Variants in OLA1 observed in about 807,000 individuals in gnomAD.
OLA1 encodes Obg like ATPase 1.
A neutral mutation model predicts 48.4 loss-of-function variants in OLA1; 14 were observed. The ratio of observed to expected loss-of-function variants is 0.29; its 90% CI spans 0.19 to 0.45. The LOEUF is 0.45. Ranked by LOEUF, OLA1 falls within the 20% of genes least tolerant of loss-of-function variation. The pLI is 1.00. For synonymous variants in OLA1, 127 were observed against 150.4 expected, an observed-to-expected ratio of 0.84 and a Z score of 1.14; for missense variants, 325 against 467.1, an observed-to-expected ratio of 0.70 and a Z score of 2.80.
intron 4 of OLA1, among the ~76,000 whole-genome samples, chr2:174,181,966 A>C (rs1404087421): frequency 6.6e-6 from 1 of 152,142 alleles, no homozygotes; most frequent in Non-Finnish European, 1.5e-5. Context: ...TTTTTGTTTC[A>C]TTTGTTCACT....
In OLA1 at chr2:174,229,300, T is replaced by C; in HGVS notation, c.245+8A>G. On this transcript the variant is annotated splice_region_variant and intron_variant, in intron 3 of 10. Coordinates refer to ENST00000284719, the MANE Select transcript of OLA1 (RefSeq NM_013341.5). Reference sequence around the variant, plus strand: ...ATCACCAAATAAATAGCATAAAATATCTCTTACCTTGCTGGTTTGTGGTAT... The same window carrying C: ...ATCACCAAATAAATAGCATAAAATACCTCTTACCTTGCTGGTTTGTGGTAT... 1.9e-6 allele frequency: 3 copies of C among 1,611,148 alleles called. No individual in the cohort carries two copies. Among genetic ancestry groups the C allele is most frequent in the Non-Finnish European group, 2.5e-6 (3 of 1,179,402 alleles).
chr2:174,214,090 T>C (rs1310313512), intron 4 of OLA1, among the ~76,000 whole-genome samples: 1 of 151,672 alleles, frequency 6.6e-6, no homozygotes. Context: ...CCCAGCACTT[T>C]GGGAGGCCGA....
intron 5 of OLA1, 123 bp from the exon 6 acceptor site, chr2:174,123,798 A>C (rs890410384): frequency 2.4e-6 from 1 of 416,868 alleles, no homozygotes; most frequent in African/African-American, 2.1e-5. Context: ...GGGCTAGGTC[A>C]CACAAATAAT....
chr2:174,148,715 A>C (rs1029926053), intron 4 of OLA1, among the ~76,000 whole-genome samples: 2 of 152,040 alleles, frequency 1.3e-5, no homozygotes, highest in African/African-American at 4.8e-5. Context: ...ATTTCTGGAG[A>C]GCCAACCCCC....
intron 7 of OLA1, among the ~76,000 whole-genome samples, chr2:174,114,717 T>C (rs573235317): frequency 1.1e-4 from 17 of 152,300 alleles, no homozygotes; most frequent in African/African-American, 3.9e-4. Context: ...GACAAATATT[T>C]AAAGTACTGA....
At chr2:174,204,542 T>C (rs575014324) in intron 4 of OLA1, among the ~76,000 whole-genome samples, 9 of 152,118 alleles carry the variant, frequency 5.9e-5, no homozygotes, top group Non-Finnish European at 1.2e-4. Context: ...TCAATAAAGA[T>C]AAAAATATAA....
intron 4 of OLA1, among the ~76,000 whole-genome samples, chr2:174,148,645 GTGC>G (rs2105386427): frequency 6.6e-6 from 1 of 152,178 alleles, no homozygotes; most frequent in African/African-American, 2.4e-5. Flanking sequence ...CACATTTCTA[GTGC>G]TTTCTAGTTC....
rs144103037 is a variant in OLA1, at chr2:174,128,260, C to T, written c.550-4585G>A. ...ATAAAAAAATAAAAAATTAACTGGG[C>T]GTGGTGGTGTGTGTCTGTAGTTCCA... On this transcript the variant is annotated intron_variant, in intron 5 of 10. Transcript: ENST00000284719. 4.0e-3 allele frequency among the ~76,000 whole-genome samples: 603 copies of T among 151,308 alleles called. 2 individuals are homozygous for T. The highest frequency in any genetic ancestry group is 6.1e-3 in the Non-Finnish European group (414 of 67,786).
intron 4 of OLA1, among the ~76,000 whole-genome samples, chr2:174,184,526 A>G (rs1387844920): frequency 1.3e-5 from 2 of 152,244 alleles, no homozygotes; most frequent in African/African-American, 4.8e-5. Flanking sequence ...AGGAAACATG[A>G]CAAGTAAATG....
chr2:174,153,549 T>C (rs919665915), intron 4 of OLA1, among the ~76,000 whole-genome samples: 2 of 136,610 alleles, frequency 1.5e-5, no homozygotes, highest in Non-Finnish European at 3.1e-5. Flanking sequence ...CTTCTAAATG[T>C]ACAGAACACC....
chr2:174,247,951 A>T, intron 1 of OLA1: 1 of 756,408 alleles, frequency 1.3e-6, no homozygotes, highest in African/African-American at 1.8e-5. Context: ...AAACTGTCCC[A>T]GTCTTCTGGC....
intron 4 of OLA1, among the ~76,000 whole-genome samples, chr2:174,187,409 G>A (rs890057757): frequency 6.6e-6 from 1 of 152,244 alleles, no homozygotes; most frequent in Non-Finnish European, 1.5e-5. Flanking sequence ...CACATTTGCT[G>A]TGAGAGCCAA....
chr2:174,138,831 A>G (rs1686371346), intron 5 of OLA1, among the ~76,000 whole-genome samples: 1 of 152,266 alleles, frequency 6.6e-6, no homozygotes, highest in African/African-American at 2.4e-5. Flanking sequence ...GCTAACAGCT[A>G]CATATTACTG....
intron 4 of OLA1, among the ~76,000 whole-genome samples, chr2:174,204,711 C>G (rs1241820349): frequency 6.7e-6 from 1 of 148,286 alleles, no homozygotes; most frequent in African/African-American, 2.5e-5. Context: ...TATTCCAAAA[C>G]AAGAAAAATG....
chr2:174,179,739 G>A (rs1687492153), intron 4 of OLA1, among the ~76,000 whole-genome samples: 1 of 151,916 alleles, frequency 6.6e-6, no homozygotes, highest in South Asian at 2.1e-4. Context: ...TACTAACCCA[G>A]ACCTTAGGGT....
intron 3 of OLA1, 81 bp from the exon 4 acceptor site, chr2:174,223,241 C>A: frequency 7.5e-7 from 1 of 1,331,810 alleles, no homozygotes; most frequent in Non-Finnish European, 1.1e-6. Context: ...AAACATTTCA[C>A]ATAAATTCTT....
intron 4 of OLA1, among the ~76,000 whole-genome samples, chr2:174,162,823 C>G (rs1018324658): frequency 6.6e-6 from 1 of 152,100 alleles, no homozygotes; most frequent in African/African-American, 2.4e-5. Context: ...GCGGGCGGAT[C>G]GCTTGAGTAC....
At chr2:174,205,197 A>G (rs2105436014) in intron 4 of OLA1, among the ~76,000 whole-genome samples, 1 of 152,310 alleles carries the variant, frequency 6.6e-6, no homozygotes, top group Non-Finnish European at 1.5e-5. Flanking sequence ...TTTAAAAATC[A>G]TATTCAAAAT....
Position 174,141,845 on chromosome 2 carries a change from T to C in OLA1, c.529A>G (p.Lys177Glu). Residue 177 changes from lysine (K) to glutamate (E), a missense_variant, in exon 5 of 11, where the codon AAA (lysine) becomes GAA (glutamate). Coordinates refer to ENST00000284719, the MANE Select transcript of OLA1 (RefSeq NM_013341.5). ...LEKVAVRGGD[K>E]KLKPEYDIMC... is the part of the protein sequence containing the mutation. ...CTTACATATTCAGGTTTTAGTTTTT[T>C]ATCTCCTCCTCTCACAGCCACCTTT... The C allele has an allele frequency of 6.2e-7, 1 of 1,602,510 alleles. No homozygotes were observed. Among genetic ancestry groups the C allele is most frequent in the Non-Finnish European group, 8.5e-7 (1 of 1,177,842 alleles).
Sources: allele counts gnomAD v4.1 joint callset (sites outside exome capture counted in the v4.1 genomes callset), GRCh38; gene constraint gnomAD v4.1.1; transcripts MANE v1.5; gene names NCBI Gene and HGNC (gene_info 2026-07-23, HGNC 2026-07-21).